The following IL1RAPL1 variants were observed in gnomAD, a reference collection of about 807,000 sequenced individuals.
IL1RAPL1 encodes the protein interleukin 1 receptor accessory protein like 1.
IL1RAPL1 carries 3 observed loss-of-function variants against 48.4 expected under a neutral mutation model. The observed-to-expected ratio is 0.06, with a 90% CI of 0.03 to 0.16. The LOEUF (loss-of-function observed/expected upper bound fraction) is 0.16, where lower values mean the gene tolerates loss of function less well. IL1RAPL1 is among the 10% of genes least tolerant of loss of function. The probability of loss-of-function intolerance (pLI) is 1.00; values close to 1 mark genes in which losing one functional copy is unlikely to be tolerated. For missense variants in IL1RAPL1, 349 were observed against 530.6 expected (o/e 0.66, Z 3.36); for synonymous variants, 185 against 187.7 (o/e 0.99, Z 0.12).
At chrX:28,811,015 T>C (rs1337408373) in intron 2 of IL1RAPL1, among the ~76,000 whole-genome samples, 2 of 110,696 alleles carry the variant, frequency 1.8e-5, no homozygotes, top group Admixed American at 1.9e-4. Flanking sequence ...CCAGCATTCT[T>C]CATTTGTATA....
chrX:29,531,183 A>G (rs1921027668), intron 5 of IL1RAPL1, among the ~76,000 whole-genome samples: 2 of 110,744 alleles, frequency 1.8e-5, no homozygotes, highest in Admixed American at 1.9e-4. Context: ...TTTTTTTAAT[A>G]GCCATTGAAG....
At chrX:29,794,646 CAA>C (rs1929705857) in intron 6 of IL1RAPL1, among the ~76,000 whole-genome samples, 1 of 111,741 alleles carries the variant, frequency 8.9e-6, no homozygotes, top group Admixed American at 9.5e-5. Flanking sequence ...AATACCCTTC[CAA>C]GAGAGGTTCA....
intron 2 of IL1RAPL1, among the ~76,000 whole-genome samples, chrX:28,993,788 A>G (rs916682813): frequency 2.7e-5 from 3 of 112,325 alleles, no homozygotes; most frequent in African/African-American, 9.7e-5. Context: ...GAGTGTTCTC[A>G]TATTTTTCCC....
chrX:28,603,198 C>T (rs1239164413), intron 1 of IL1RAPL1, among the ~76,000 whole-genome samples: 1 of 111,695 alleles, frequency 9.0e-6, no homozygotes, highest in African/African-American at 3.3e-5. Flanking sequence ...TCATTATCAA[C>T]AAGCTGGTAT....
intron 2 of IL1RAPL1, among the ~76,000 whole-genome samples, chrX:28,849,778 T>G (rs1015446977): frequency 8.9e-6 from 1 of 111,925 alleles, no homozygotes; most frequent in Admixed American, 9.5e-5. Context: ...TTAAAAACCA[T>G]AGCATAGTGA....
intron 6 of IL1RAPL1, among the ~76,000 whole-genome samples, chrX:29,908,341 C>T (rs1423443893): frequency 9.3e-6 from 1 of 107,238 alleles, no homozygotes; most frequent in African/African-American, 3.4e-5. Flanking sequence ...AGTTCAAGAC[C>T]AGGCTGGGTA....
intron 2 of IL1RAPL1, among the ~76,000 whole-genome samples, chrX:28,831,656 T>C (rs1921059964): frequency 9.0e-6 from 1 of 111,183 alleles, no homozygotes; most frequent in Non-Finnish European, 1.9e-5. Context: ...TTACTAAAAG[T>C]CAGCCATTTT....
intron 2 of IL1RAPL1, among the ~76,000 whole-genome samples, chrX:29,042,023 A>G (rs190521959): frequency 1.7e-4 from 19 of 111,558 alleles, no homozygotes; most frequent in Non-Finnish European, 3.2e-4. Context: ...ATGAAACCTA[A>G]TTTGTAGTGT....
At chrX:29,691,429 C>T (rs6526917) in intron 6 of IL1RAPL1, among the ~76,000 whole-genome samples, 29,482 of 110,303 alleles carry the variant, frequency 0.27, 2,995 homozygotes, top group South Asian at 0.43. Flanking sequence ...ATCTTGAATG[C>T]TAGTGATTCC....
intron 2 of IL1RAPL1, among the ~76,000 whole-genome samples, chrX:28,895,969 T>C (rs1922906837): frequency 1.8e-5 from 2 of 111,848 alleles, no homozygotes; most frequent in African/African-American, 3.3e-5. Flanking sequence ...TTCAGTGGGG[T>C]CCCACACAGA....
At position 29,391,951 on chromosome X, in the gene IL1RAPL1, A is replaced by G. The variant is rs146096245; in HGVS notation, c.363-4307A>G. 2.0e-4 allele frequency among the ~76,000 whole-genome samples: 22 copies of G among 112,351 alleles called. No individual in the cohort carries two copies. In the East Asian group the frequency reaches 5.9e-3, roughly 30 times the overall value. On this transcript the variant is annotated intron_variant, in intron 3 of 10. Coordinates refer to ENST00000378993, the MANE Select transcript of IL1RAPL1 (RefSeq NM_014271.4). ...TTTGCTGTAACATGAAGACATTGAA[A>G]GAAGTAACTTTATGTTAGTTGTTTC...
At chrX:28,873,093 GT>G (rs1210403251) in intron 2 of IL1RAPL1, among the ~76,000 whole-genome samples, 15 of 87,275 alleles carry the variant, frequency 1.7e-4, no homozygotes, top group Non-Finnish European at 2.7e-4. Context: ...CTGAGCCTAA[GT>G]TTTTTTTTTC....
chrX:29,658,401 C>T (rs763960327), intron 5 of IL1RAPL1, among the ~76,000 whole-genome samples: 9 of 112,045 alleles, frequency 8.0e-5, no homozygotes, highest in Non-Finnish European at 1.1e-4. Flanking sequence ...AATTCTATGA[C>T]GAAAATAATG....
intron 2 of IL1RAPL1, among the ~76,000 whole-genome samples, chrX:28,910,488 G>T (rs777818269): frequency 9.1e-6 from 1 of 109,427 alleles, no homozygotes; most frequent in East Asian, 2.9e-4. Context: ...AGCAGAAGAG[G>T]AAAGAATTTC....
chrX:29,097,442 G>A (rs770008706), intron 2 of IL1RAPL1, among the ~76,000 whole-genome samples: 6 of 111,946 alleles, frequency 5.4e-5, no homozygotes, highest in Non-Finnish European at 9.4e-5. Context: ...ACGAGACAAG[G>A]TCTATTTTCC....
At chrX:28,641,783 T>A (rs1569143856) in intron 1 of IL1RAPL1, among the ~76,000 whole-genome samples, 2 of 111,710 alleles carry the variant, frequency 1.8e-5, no homozygotes, top group Admixed American at 9.5e-5. Flanking sequence ...AGATGGTACC[T>A]CATTGTGGTT....
chrX:29,800,307 A>G (rs1017260087), intron 6 of IL1RAPL1, among the ~76,000 whole-genome samples: 21 of 110,739 alleles, frequency 1.9e-4, no homozygotes, highest in African/African-American at 6.3e-4. Flanking sequence ...ACCAACACCA[A>G]CACAGAACCC....
chrX:29,819,069 C>T (rs1460506237), intron 6 of IL1RAPL1, among the ~76,000 whole-genome samples: 3 of 111,701 alleles, frequency 2.7e-5, no homozygotes, highest in African/African-American at 9.8e-5. Context: ...TTATAACATT[C>T]AACGTAACAA....
intron 7 of IL1RAPL1, among the ~76,000 whole-genome samples, chrX:29,918,699 G>A (rs1932823484): frequency 9.0e-6 from 1 of 110,738 alleles, no homozygotes; most frequent in South Asian, 3.8e-4. Context: ...CTTTAAGGTC[G>A]AAATATTTGT....
Sources: gnomAD v4.1 joint callset for allele counts (sites outside exome capture counted in the v4.1 genomes callset) on GRCh38, gnomAD v4.1.1 for gene constraint, MANE v1.5 for transcripts, NCBI Gene and HGNC (gene_info 2026-07-23, HGNC 2026-07-21) for gene names.